PCED1B: variants seen among roughly 807,000 people sequenced by gnomAD.
The protein encoded by PCED1B is PC-esterase domain-containing protein 1B.
For synonymous variants in PCED1B, 251 were observed against 246.1 expected, an observed-to-expected ratio of 1.02 and a Z score of -0.19; for missense variants, 573 against 573.9, an observed-to-expected ratio of 1.00 and a Z score of 0.02.
intron 2 of PCED1B, among the ~76,000 whole-genome samples, chr12:47,174,574 C>T (rs975348759): frequency 1.3e-5 from 2 of 152,200 alleles, no homozygotes; most frequent in Non-Finnish European, 2.9e-5. Flanking sequence ...ACCCACTGGT[C>T]CTGGTATGCC....
intron 2 of PCED1B, among the ~76,000 whole-genome samples, chr12:47,131,868 C>T (rs1940144934): frequency 6.6e-6 from 1 of 151,998 alleles, no homozygotes; most frequent in African/African-American, 2.4e-5. Flanking sequence ...GGGGTTTCAC[C>T]ATGTTGGCCA....
At chr12:47,200,154 C>A (rs1164839440) in intron 2 of PCED1B, among the ~76,000 whole-genome samples, 1 of 151,404 alleles carries the variant, frequency 6.6e-6, no homozygotes, top group Non-Finnish European at 1.5e-5. Flanking sequence ...AAGTTCACAC[C>A]ACTGCACTCC....
intron 2 of PCED1B, among the ~76,000 whole-genome samples, chr12:47,196,038 A>G (rs2137681079): frequency 6.6e-6 from 1 of 152,370 alleles, no homozygotes; most frequent in East Asian, 1.9e-4. Flanking sequence ...TAGGTGATGC[A>G]TTAATTTCAG....
chr12:47,207,772 T>C (rs2137745491), intron 2 of PCED1B, among the ~76,000 whole-genome samples: 1 of 152,354 alleles, frequency 6.6e-6, no homozygotes, highest in African/African-American at 2.4e-5. Context: ...TAATCTATTA[T>C]TCTTAAGATA....
chr12:47,165,990 A>G (rs1941532356), intron 2 of PCED1B, among the ~76,000 whole-genome samples: 1 of 152,158 alleles, frequency 6.6e-6, no homozygotes, highest in African/African-American at 2.4e-5. Flanking sequence ...TCTCATCACA[A>G]ATGATTTTGT....
chr12:47,174,786 T>A (rs1413617511), intron 2 of PCED1B, among the ~76,000 whole-genome samples: 1 of 152,234 alleles, frequency 6.6e-6, no homozygotes, highest in Non-Finnish European at 1.5e-5. Context: ...GCATAACTCC[T>A]GGGGTCAGAG....
chr12:47,220,527 G>T (rs1943446052), intron 3 of PCED1B, among the ~76,000 whole-genome samples: 1 of 152,162 alleles, frequency 6.6e-6, no homozygotes, highest in Non-Finnish European at 1.5e-5. Flanking sequence ...TCTATAAAAT[G>T]GAGATAATAA....
intron 2 of PCED1B, among the ~76,000 whole-genome samples, chr12:47,215,687 T>C (rs1943235030): frequency 6.6e-6 from 1 of 152,216 alleles, no homozygotes; most frequent in Non-Finnish European, 1.5e-5. Context: ...GGCTCAGGCC[T>C]GTGGTTTCCT....
intron 2 of PCED1B, among the ~76,000 whole-genome samples, chr12:47,117,194 C>G (rs1939458277): frequency 6.6e-6 from 1 of 152,012 alleles, no homozygotes; most frequent in Admixed American, 6.6e-5. Context: ...TGTAGCAGTA[C>G]TTCATTCATT....
rs200499777 is a variant in PCED1B, at chr12:47,233,966, AG to A, written c.-57-1037del. 2.5e-3 allele frequency among the ~76,000 whole-genome samples: 376 copies of A among 151,298 alleles called. 2 individuals carry two copies. Among genetic ancestry groups the A allele is most frequent in the Middle Eastern group, 6.8e-3 (2 of 294 alleles). On this transcript the variant is annotated intron_variant, in intron 3 of 3. Transcript: ENST00000546455. ...TTCCTTGTAAAAGAAATCTGTTTTT[AG>A]GGGTTTTTTTTGTTTTGTTTTTTGT...
intron 2 of PCED1B, among the ~76,000 whole-genome samples, chr12:47,139,091 C>G (rs901892408): frequency 6.6e-6 from 1 of 152,104 alleles, no homozygotes; most frequent in African/African-American, 2.4e-5. Flanking sequence ...TTTTGTACCC[C>G]TCTGATACCT....
At chr12:47,144,329 G>A (rs1041653023) in intron 2 of PCED1B, among the ~76,000 whole-genome samples, 2 of 152,108 alleles carry the variant, frequency 1.3e-5, no homozygotes, top group African/African-American at 2.4e-5. Flanking sequence ...TAGAGCTCTG[G>A]TCCTGTAACA....
chr12:47,191,704 A>G (rs1942443639), intron 2 of PCED1B, among the ~76,000 whole-genome samples: 1 of 152,154 alleles, frequency 6.6e-6, no homozygotes, highest in South Asian at 2.1e-4. Flanking sequence ...ATAAAGCTGG[A>G]CACCTGGGCT....
At chr12:47,123,712 G>A (rs1222584926) in intron 2 of PCED1B, among the ~76,000 whole-genome samples, 1 of 151,864 alleles carries the variant, frequency 6.6e-6, no homozygotes, top group Non-Finnish European at 1.5e-5. Flanking sequence ...ATAGAGCCAG[G>A]GCATCACAAG....
At chr12:47,138,114 A>C (rs1428016836) in intron 2 of PCED1B, 1 of 152,248 alleles carries the variant, frequency 6.6e-6, no homozygotes, top group Non-Finnish European at 1.5e-5. Context: ...TGTACCAGAC[A>C]TGGTAAACAG....
At chr12:47,203,166 C>T (rs1344762466) in intron 2 of PCED1B, among the ~76,000 whole-genome samples, 1 of 152,042 alleles carries the variant, frequency 6.6e-6, no homozygotes, top group Admixed American at 6.6e-5. Flanking sequence ...GATGGAGTTT[C>T]ACCATGTTGG....
rs144705348 is a variant in PCED1B, at chr12:47,121,832, G to C, written c.-526+17637G>C. Among the ~76,000 whole-genome samples, 31 of 152,176 alleles carry C rather than the reference G, an allele frequency of 2.0e-4. No individual in the cohort carries two copies. The East Asian group carries it at 5.2e-3, about 26-fold the overall frequency. Reference sequence around the variant, plus strand: ...AGATCACTTGAGGTCAGCAGTTCGAGACCAGCCTGGCTAACATGGTGAAAC... The same window carrying C: ...AGATCACTTGAGGTCAGCAGTTCGACACCAGCCTGGCTAACATGGTGAAAC... On this transcript the variant is annotated intron_variant, in intron 2 of 3. Transcript: ENST00000546455.
chr12:47,220,068 CAAAAAAAA>C (rs763940625), intron 3 of PCED1B, among the ~76,000 whole-genome samples: 46 of 103,744 alleles, frequency 4.4e-4, no homozygotes, highest in African/African-American at 1.2e-3. Flanking sequence ...GACACTGCCT[CAAAAAAAA>C]AAAAAAAAAA....
chr12:47,206,293 G>A (rs974407560), intron 2 of PCED1B: 2 of 152,202 alleles, frequency 1.3e-5, no homozygotes, highest in African/African-American at 4.8e-5. Flanking sequence ...AGACAAGAAG[G>A]AGGTCTGCTT....
Sources: gnomAD v4.1 joint callset for allele counts (sites outside exome capture counted in the v4.1 genomes callset) on GRCh38, gnomAD v4.1.1 for gene constraint, MANE v1.5 for transcripts, NCBI Gene and HGNC (gene_info 2026-07-23, HGNC 2026-07-21) for gene names.